The following DPP6 variants were observed in gnomAD, a reference collection of about 807,000 sequenced individuals.
DPP6 encodes dipeptidyl peptidase like 6.
A neutral mutation model predicts 122.6 loss-of-function variants in DPP6; 69 were observed. That is an observed-to-expected ratio of 0.56 (90% confidence interval 0.46 to 0.69). The LOEUF is 0.69. Among genes scored for constraint, DPP6 ranks in the 30% least tolerant of loss-of-function variants. The pLI, the probability that DPP6 is intolerant of heterozygous loss-of-function variation, is 0.00. For synonymous variants in DPP6, 418 were observed against 433.1 expected, an observed-to-expected ratio of 0.97 and a Z score of 0.43; for missense variants, 928 against 1,116.9, an observed-to-expected ratio of 0.83 and a Z score of 2.41.
At chr7:154,708,581 G>A (rs760433905) in intron 7 of DPP6, among the ~76,000 whole-genome samples, 7 of 152,014 alleles carry the variant, frequency 4.6e-5, no homozygotes, top group South Asian at 2.1e-4. Flanking sequence ...TCCACTTGTC[G>A]GAATTTATCC....
At chr7:154,858,997 A>G (rs1420843505) in intron 17 of DPP6, among the ~76,000 whole-genome samples, 4 of 152,122 alleles carry the variant, frequency 2.6e-5, no homozygotes, top group Admixed American at 2.6e-4. Flanking sequence ...TCTGACTACC[A>G]AGCAGGCGCT....
intron 3 of DPP6, among the ~76,000 whole-genome samples, chr7:154,530,527 A>T (rs1199832860): frequency 1.3e-5 from 2 of 152,218 alleles, no homozygotes; most frequent in Non-Finnish European, 2.9e-5. Flanking sequence ...AAAATGTAGC[A>T]CTTTTACACC....
intron 5 of DPP6, chr7:154,587,556 A>T: frequency 7.2e-7 from 1 of 1,390,766 alleles, no homozygotes; most frequent in South Asian, 1.5e-5. Flanking sequence ...TTGTTTCTCG[A>T]TCCCCAACTT....
chr7:154,224,689 A>G (rs931726803), intron 1 of DPP6, among the ~76,000 whole-genome samples: 1 of 149,470 alleles, frequency 6.7e-6, no homozygotes, highest in African/African-American at 2.5e-5. Flanking sequence ...ACTGTCCCCA[A>G]TGTATAGAGT....
Position 154,861,879 on chromosome 7 carries a change from A to G in DPP6, c.1715-6116A>G, listed in dbSNP as rs144839489. On this transcript the variant is annotated intron_variant, in intron 17 of 25. Transcript: ENST00000377770. The stretch of plus-strand genomic sequence containing the variant: ...CTGTAGAATGTCTGAAAATGTGTTC[A>G]TGTAAATAAATGGAGAGAGAGGAGT... Among the ~76,000 whole-genome samples the G allele has an allele frequency of 5.9e-5, 9 of 152,284 alleles. No individual in the cohort carries two copies. In the East Asian group the frequency reaches 1.5e-3, roughly 26 times the overall value.
At chr7:154,683,040 A>C (rs1586882129) in intron 7 of DPP6, among the ~76,000 whole-genome samples, 1 of 152,314 alleles carries the variant, frequency 6.6e-6, no homozygotes, top group East Asian at 1.9e-4. Context: ...CTCTAAAAAA[A>C]GTTAGCAAAT....
chr7:154,386,560 G>A (rs1814129115), intron 1 of DPP6, among the ~76,000 whole-genome samples: 1 of 152,068 alleles, frequency 6.6e-6, no homozygotes, highest in African/African-American at 2.4e-5. Flanking sequence ...TCTAGAAATC[G>A]GACTACTGCC....
intron 18 of DPP6, among the ~76,000 whole-genome samples, chr7:154,870,262 G>T (rs190203947): frequency 1.1e-3 from 160 of 150,908 alleles, no homozygotes; most frequent in African/African-American, 3.7e-3. Context: ...GATTATAGGT[G>T]TCAGCCATCA....
chr7:154,714,416 A>G (rs376157904), intron 7 of DPP6, among the ~76,000 whole-genome samples: 2 of 152,164 alleles, frequency 1.3e-5, no homozygotes, highest in South Asian at 4.1e-4. Context: ...AATACCTGAG[A>G]CTGGGTAGTT....
At chr7:154,800,922 T>G (rs1273013153) in intron 12 of DPP6, among the ~76,000 whole-genome samples, 2 of 152,168 alleles carry the variant, frequency 1.3e-5, no homozygotes, top group Non-Finnish European at 2.9e-5. Flanking sequence ...GAGAATTATG[T>G]TTTTTTCTGA....
At chr7:153,935,434 C>G (rs1411527018) in intron 1 of DPP6, among the ~76,000 whole-genome samples, 10 of 152,138 alleles carry the variant, frequency 6.6e-5, no homozygotes, top group African/African-American at 2.2e-4. Flanking sequence ...CCGGCCTAAC[C>G]TCCCACCCAG....
intron 18 of DPP6, among the ~76,000 whole-genome samples, chr7:154,868,516 A>T (rs143058999): frequency 6.6e-6 from 1 of 152,212 alleles, no homozygotes; most frequent in East Asian, 1.9e-4. Flanking sequence ...TTACGTGAGG[A>T]GGTTTGAGTG....
chr7:153,805,724 C>A, the DPP6 span, among the ~76,000 whole-genome samples: 1 of 152,184 alleles, frequency 6.6e-6, no homozygotes, highest in Admixed American at 6.5e-5. Context: ...AAGCTGGAAA[C>A]CATCATTCTC....
chr7:153,796,718 ACAAT>A, the DPP6 span, among the ~76,000 whole-genome samples: 3 of 152,134 alleles, frequency 2.0e-5, no homozygotes, highest in African/African-American at 7.2e-5. Flanking sequence ...CAGCAATGAA[ACAAT>A]CAATCATACC....
intron 5 of DPP6, among the ~76,000 whole-genome samples, chr7:154,574,754 G>GTGTGTGTATGTGTGTTT (rs1831402209): frequency 7.4e-6 from 1 of 134,596 alleles, no homozygotes; most frequent in East Asian, 2.4e-4. Flanking sequence ...TATGTGTGTT[G>GTGTGTGTATGTGTGTTT]TGTGTGTATA....
chr7:154,797,689 G>A (rs1798126494), intron 12 of DPP6, among the ~76,000 whole-genome samples: 2 of 152,164 alleles, frequency 1.3e-5, no homozygotes, highest in African/African-American at 2.4e-5. Context: ...TTGGGGTGGT[G>A]GAAATGTTTT....
chr7:154,371,812 G>T (rs989142843), intron 1 of DPP6, among the ~76,000 whole-genome samples: 3 of 151,924 alleles, frequency 2.0e-5, no homozygotes. Context: ...CCAAGCAAAG[G>T]AACCAAAACC....
intron 8 of DPP6, among the ~76,000 whole-genome samples, chr7:154,739,655 G>A (rs1563157295): frequency 1.5e-5 from 2 of 135,394 alleles, no homozygotes; most frequent in African/African-American, 2.9e-5. Flanking sequence ...ATCGCAAGGA[G>A]AGCCATCAGA....
chr7:153,874,252 G>GCACACACACACACACACA, the DPP6 span, among the ~76,000 whole-genome samples: 8 of 150,092 alleles, frequency 5.3e-5, no homozygotes, highest in South Asian at 2.1e-4. Flanking sequence ...GTGCGCACAT[G>GCACACACACACACACACA]CACACACACA....
Sources: gnomAD v4.1 joint callset for allele counts (sites outside exome capture counted in the v4.1 genomes callset) on GRCh38, gnomAD v4.1.1 for gene constraint, MANE v1.5 for transcripts, NCBI Gene and HGNC (gene_info 2026-07-23, HGNC 2026-07-21) for gene names.